COL18A1: variants seen among roughly 807,000 people sequenced by gnomAD.
The protein encoded by COL18A1 is collagen alpha-1(XVIII) chain.
Under a neutral mutation model 168.0 loss-of-function variants are expected in COL18A1, and 133 were observed. The observed-to-expected ratio is 0.79, with a 90% CI of 0.69 to 0.91. The LOEUF is 0.91. COL18A1 is among the 40% of genes least tolerant of loss of function. The probability of loss-of-function intolerance (pLI) is 0.00; values close to 1 mark genes in which losing one functional copy is unlikely to be tolerated. For missense variants in COL18A1, 2,126 were observed against 1,925.4 expected (o/e 1.10, Z -1.95); for synonymous variants, 949 against 809.0 (o/e 1.17, Z -2.94).
At chr21:45,488,798 C>G (rs2036201955) in intron 18 of COL18A1, among the ~76,000 whole-genome samples, 1 of 152,100 alleles carries the variant, frequency 6.6e-6, no homozygotes, top group Admixed American at 6.5e-5. Flanking sequence ...CAGGTGGACT[C>G]CTGGGCTCAG....
At chr21:45,511,090 T>TACAC (rs58188320) in intron 40 of COL18A1, 21 bp from the exon 41 acceptor site, 1 of 1,171,658 alleles carries the variant, frequency 8.5e-7, no homozygotes, top group South Asian at 1.3e-5. Flanking sequence ...CACACACACA[T>TACAC]ACACACGGTT....
intron 2 of COL18A1, among the ~76,000 whole-genome samples, chr21:45,458,191 G>T (rs1198169776): frequency 6.6e-6 from 1 of 151,838 alleles, no homozygotes; most frequent in Non-Finnish European, 1.5e-5. Context: ...CCTGGTGTGT[G>T]CAGGAGTGGG....
chr21:45,447,012 G>C (rs370795909), intron 2 of COL18A1, among the ~76,000 whole-genome samples: 249 of 152,274 alleles, frequency 1.6e-3, no homozygotes, highest in African/African-American at 5.5e-3. Context: ...AGCTGACACC[G>C]TGCTTGTGGT....
intron 2 of COL18A1, among the ~76,000 whole-genome samples, chr21:45,436,371 T>C (rs1238078945): frequency 2.0e-5 from 3 of 152,216 alleles, no homozygotes; most frequent in Non-Finnish European, 4.4e-5. Context: ...CTGCGTGAGC[T>C]GGGCAGGGAC....
At chr21:45,465,085 C>A (rs78330609) in intron 2 of COL18A1, among the ~76,000 whole-genome samples, 1 of 152,220 alleles carries the variant, frequency 6.6e-6, no homozygotes, top group African/African-American at 2.4e-5. Context: ...AGATGCTCTG[C>A]TCTTCGTGTT....
intron 2 of COL18A1, among the ~76,000 whole-genome samples, chr21:45,405,985 C>G (rs2033094220): frequency 1.3e-5 from 2 of 152,110 alleles, no homozygotes; most frequent in Admixed American, 6.5e-5. Context: ...CCGCGCCCGC[C>G]GTGGTGTCGG....
intron 15 of COL18A1, among the ~76,000 whole-genome samples, chr21:45,484,482 A>C (rs1049070534): frequency 1.3e-5 from 2 of 149,498 alleles, no homozygotes; most frequent in Non-Finnish European, 3.0e-5. Context: ...CCTCTCCAGC[A>C]TATGTGCACA....
At chr21:45,455,111 G>A (rs573165073) in intron 2 of COL18A1, among the ~76,000 whole-genome samples, 134 of 152,376 alleles carry the variant, frequency 8.8e-4, no homozygotes, top group African/African-American at 2.1e-3. Flanking sequence ...GCCTCTGGGC[G>A]TTCCAGGTCA....
At chr21:45,507,617 G>C in intron 38 of COL18A1, 24 bp downstream of exon 38, 1 of 1,611,292 alleles carries the variant, frequency 6.2e-7, no homozygotes, top group Non-Finnish European at 8.5e-7. Flanking sequence ...TTTCTGTTGA[G>C]ACTGGTGGGT....
chr21:45,439,898 G>C (rs2034322396), intron 2 of COL18A1, among the ~76,000 whole-genome samples: 2 of 152,282 alleles, frequency 1.3e-5, no homozygotes, highest in African/African-American at 4.8e-5. Flanking sequence ...TGGGAACTAG[G>C]CCTGGGAGAT....
chr21:45,487,541 G>T, intron 17 of COL18A1, 32 bp downstream of exon 17: 1 of 1,610,918 alleles, frequency 6.2e-7, no homozygotes. Context: ...GGCCGGCTCT[G>T]AGGGGTAAGG....
chr21:45,503,648 A>T (rs1477953810), intron 32 of COL18A1, among the ~76,000 whole-genome samples: 2 of 56,296 alleles, frequency 3.6e-5, no homozygotes, highest in Admixed American at 2.9e-4. Flanking sequence ...GGGTGGGGGG[A>T]GGGGGGAGGG....
chr21:45,504,419 G>C lies in COL18A1; in HGVS notation c.2731G>C (p.Glu911Gln). Residue 911 changes from glutamate to glutamine, a missense_variant, in exon 34 of 42, where the codon GAG becomes CAG. Transcript: ENST00000651438. Reference protein sequence around the residue: ...FLQLEAEMKGEKGDRGDAGQK... With the variant: ...FLQLEAEMKGQKGDRGDAGQK... ...TAACAAGTGTTTCCGTCCACAGGGG[G>C]AGAAGGGAGACCGAGGTGATGCAGG... is the stretch of plus-strand genomic sequence containing the variant. The C allele has an allele frequency of 6.2e-7, 1 of 1,611,690 alleles. No individual in the cohort carries two copies. The highest frequency in any genetic ancestry group is 8.5e-7 in the Non-Finnish European group (1 of 1,179,382).
At chr21:45,432,201 G>A (rs891021157) in intron 2 of COL18A1, among the ~76,000 whole-genome samples, 2 of 152,182 alleles carry the variant, frequency 1.3e-5, no homozygotes, top group African/African-American at 4.8e-5. Flanking sequence ...TGGATTTGGG[G>A]GACAGGTGCC....
rs377459155 is a variant in COL18A1, at chr21:45,505,319, G to C, written c.3014-39G>C. ...GTGGGCCCCGGGCAGAGGCCGCCTC[G>C]TGTGGCTTCGTGTTCCCACCTTGGT... On this transcript the variant is annotated intron_variant, in intron 35 of 41. Coordinates refer to ENST00000651438, the MANE Select transcript of COL18A1 (RefSeq NM_001379500.1). 1.6e-5 allele frequency: 25 copies of C among 1,593,392 alleles called. No individual in the cohort carries two copies. In the South Asian group the frequency reaches 2.1e-4, roughly 13 times the overall value.
chr21:45,472,625 GGTGGACA>G (rs1371003122), intron 3 of COL18A1, among the ~76,000 whole-genome samples: 1 of 152,148 alleles, frequency 6.6e-6, no homozygotes, highest in Non-Finnish European at 1.5e-5. Context: ...AGTAGGTCCT[GGTGGACA>G]GTGGACCCTG....
chr21:45,512,099 T>G (rs2037645473), intron 41 of COL18A1, 89 bp from the exon 42 acceptor site: 2 of 1,438,030 alleles, frequency 1.4e-6, no homozygotes, highest in Non-Finnish European at 1.9e-6. Flanking sequence ...AGGGCTGGCC[T>G]CCTGCCTCCA....
chr21:45,473,098 C>T lies in COL18A1; in HGVS notation c.652-797C>T, dbSNP rs907906921. ...GTGCGCAGCCCCCACCTGGCAGCCC[C>T]TTTTCCTGTCAAAGCCCCTCCCAGC... On this transcript the variant is annotated intron_variant, in intron 3 of 41. Transcript: ENST00000651438. The surrounding 1 kb of genome is among the most constrained non-coding windows in gnomAD (Gnocchi z 4.0). Among the ~76,000 whole-genome samples the T allele has an allele frequency of 7.2e-5, 11 of 152,240 alleles. No individual in the cohort carries two copies. The highest frequency in any genetic ancestry group is 2.7e-4 in the African/African-American group (11 of 41,476).
rs780788184 is a variant in COL18A1 at position 45,489,509 on chromosome 21, G to A, written c.1947G>A (p.Leu649=). The change falls in exon 19 of 42, where the codon CTG becomes CTA. Residue 649 remains leucine, a synonymous_variant. Transcript: ENST00000651438. ...AGGGGGATCCTGGCGTGCCTGGGCT[G>A]CCGGGGGCGAAGGTAAGCGCTGTGC... ...GLKGDPGVPG[L]PGAKGEVGAD... is the part of the protein sequence containing the mutation. The A allele has an allele frequency of 1.9e-6, 3 of 1,602,890 alleles. No individual in the cohort carries two copies. The African/African-American group carries it at 4.0e-5, about 21-fold the overall frequency.
Sources: allele counts gnomAD v4.1 joint callset (sites outside exome capture counted in the v4.1 genomes callset), GRCh38; gene constraint gnomAD v4.1.1; non-coding constraint Gnocchi (gnomAD v3.1); transcripts MANE v1.5; gene names NCBI Gene and HGNC (gene_info 2026-07-23, HGNC 2026-07-21).